CYP2C19: variants seen among roughly 807,000 people sequenced by gnomAD.
The protein encoded by CYP2C19 is cytochrome P450 2C19.
In CYP2C19, 59 loss-of-function variants were observed where a neutral mutation model predicts 40.9. That is an observed-to-expected ratio of 1.44 (90% CI 1.17 to 1.79). The LOEUF (loss-of-function observed/expected upper bound fraction) is 1.79, where lower values mean the gene tolerates loss of function less well. CYP2C19 is among the 40% of genes most tolerant of loss of function. The pLI, the probability that CYP2C19 is intolerant of heterozygous loss-of-function variation, is 0.00. For missense variants in CYP2C19, 754 were observed against 596.9 expected, an observed-to-expected ratio of 1.26 and a Z score of -2.74; for synonymous variants, 253 against 208.7, an observed-to-expected ratio of 1.21 and a Z score of -1.83.
At chr10:94,818,580 T>C (rs1187242061) in intron 5 of CYP2C19, among the ~76,000 whole-genome samples, 1 of 141,740 alleles carries the variant, frequency 7.1e-6, no homozygotes, top group African/African-American at 2.7e-5. Flanking sequence ...CAGTGGTTTG[T>C]AGTTCTCCTT....
intron 7 of CYP2C19, among the ~76,000 whole-genome samples, chr10:94,849,198 G>C (rs1002238653): frequency 6.6e-6 from 1 of 152,140 alleles, no homozygotes; most frequent in Non-Finnish European, 1.5e-5. Context: ...AAACTGAAGT[G>C]ATGAAATAGA....
chr10:94,834,567 T>C (rs1360640679), intron 6 of CYP2C19, among the ~76,000 whole-genome samples: 1 of 151,784 alleles, frequency 6.6e-6, no homozygotes, highest in Non-Finnish European at 1.5e-5. Context: ...TTTTTTTTTT[T>C]TGTGCAGTTG....
intron 3 of CYP2C19, among the ~76,000 whole-genome samples, chr10:94,777,502 T>C (rs555862123): frequency 6.6e-6 from 1 of 152,096 alleles, no homozygotes; most frequent in South Asian, 2.1e-4. Flanking sequence ...ATGCCACACA[T>C]CTACAACCAT....
At chr10:94,847,505 C>A (rs1301063516) in intron 7 of CYP2C19, among the ~76,000 whole-genome samples, 1 of 152,050 alleles carries the variant, frequency 6.6e-6, no homozygotes, top group Non-Finnish European at 1.5e-5. Context: ...GATTCCAAGT[C>A]GTTGCTATTG....
intron 6 of CYP2C19, among the ~76,000 whole-genome samples, chr10:94,834,611 C>A (rs1849374507): frequency 1.3e-5 from 2 of 150,594 alleles, no homozygotes; most frequent in Admixed American, 1.3e-4. Flanking sequence ...AGCTCCCATA[C>A]AAAGGGAGGG....
intron 6 of CYP2C19, among the ~76,000 whole-genome samples, chr10:94,840,717 C>T (rs1415066414): frequency 3.3e-5 from 5 of 152,276 alleles, no homozygotes; most frequent in African/African-American, 7.2e-5. Context: ...GCCAGGAGTT[C>T]GGGACAACAG....
chr10:94,779,571 T>TTTTCTTTTC (rs1564662667), intron 3 of CYP2C19, among the ~76,000 whole-genome samples: 5 of 2,776 alleles, frequency 1.8e-3, no homozygotes, highest in South Asian at 0.011. Context: ...CTTTTCTTTT[T>TTTTCTTTTC]TTTTTTTTGA....
intron 5 of CYP2C19, among the ~76,000 whole-genome samples, chr10:94,792,624 G>T (rs183666523): frequency 6.6e-6 from 1 of 152,092 alleles, no homozygotes; most frequent in Non-Finnish European, 1.5e-5. Context: ...GCTTAATTTG[G>T]CTGGATATGA....
chr10:94,795,848 GT>G (rs200069419), intron 5 of CYP2C19, among the ~76,000 whole-genome samples: 11,066 of 151,400 alleles, frequency 0.073, 469 homozygotes, highest in South Asian at 0.12. Context: ...CTTTGATGGG[GT>G]TTTTTTTCTT....
intron 5 of CYP2C19, among the ~76,000 whole-genome samples, chr10:94,805,507 A>G (rs1399593863): frequency 1.3e-5 from 2 of 152,244 alleles, no homozygotes; most frequent in Admixed American, 6.5e-5. Flanking sequence ...CATTGATTAC[A>G]TTCACATTGT....
chr10:94,847,646 T>C (rs528406537), intron 7 of CYP2C19, among the ~76,000 whole-genome samples: 1 of 152,280 alleles, frequency 6.6e-6, no homozygotes, highest in African/African-American at 2.4e-5. Context: ...CCCTGAGGAA[T>C]CACCACACTG....
chr10:94,837,333 G>A (rs1849420348), intron 6 of CYP2C19, among the ~76,000 whole-genome samples: 1 of 152,174 alleles, frequency 6.6e-6, no homozygotes, highest in Admixed American at 6.5e-5. Flanking sequence ...GCCTTTGGTA[G>A]GGAAAGGAGG....
chr10:94,780,186 C>T (rs1848462103), intron 3 of CYP2C19, among the ~76,000 whole-genome samples: 1 of 152,114 alleles, frequency 6.6e-6, no homozygotes, highest in Non-Finnish European at 1.5e-5. Context: ...ATGTGATTCC[C>T]TCTGAAACTT....
At chr10:94,799,311 A>C (rs1848732357) in intron 5 of CYP2C19, among the ~76,000 whole-genome samples, 1 of 152,094 alleles carries the variant, frequency 6.6e-6, no homozygotes, top group Admixed American at 6.5e-5. Context: ...TCTTTTCTTT[A>C]AGAATGTCAA....
rs188999844 is a variant in CYP2C19 at position 94,765,803 on chromosome 10, A to G, written c.168+2930A>G. Among the ~76,000 whole-genome samples the G allele has an allele frequency of 1.6e-3, 236 of 152,190 alleles. 1 individual carries two copies. Among genetic ancestry groups the G allele is most frequent in the Non-Finnish European group, 2.7e-3 (186 of 68,004 alleles). Reference sequence around the variant, plus strand: ...GGATAGAGCTGTTTGAGTGACTCAGAAGTTACTATGATCAGTTGGGGCTTG... The same window carrying G: ...GGATAGAGCTGTTTGAGTGACTCAGGAGTTACTATGATCAGTTGGGGCTTG... On this transcript the variant is annotated intron_variant, in intron 1 of 8. Coordinates refer to ENST00000371321, the MANE Select transcript of CYP2C19 (RefSeq NM_000769.4).
At chr10:94,828,870 A>G (rs1849277574) in intron 6 of CYP2C19, among the ~76,000 whole-genome samples, 1 of 151,660 alleles carries the variant, frequency 6.6e-6, no homozygotes, top group Non-Finnish European at 1.5e-5. Flanking sequence ...TGGTGACAAA[A>G]TCTCTCAGCA....
intron 3 of CYP2C19, 186 bp downstream of exon 3, chr10:94,775,725 A>T: frequency 1.1e-6 from 1 of 876,392 alleles, no homozygotes. Flanking sequence ...GTGTACAGGC[A>T]TGATTGTGCA....
Position 94,789,027 on chromosome 10 carries a change from T to C in CYP2C19, c.819+7030T>C, listed in dbSNP as rs571251113. On this transcript the variant is annotated intron_variant, in intron 5 of 8. Coordinates refer to ENST00000371321, the MANE Select transcript of CYP2C19 (RefSeq NM_000769.4). The stretch of plus-strand genomic sequence containing the variant: ...ACATCTGTTGTTTCCTGACTTTTAA[T>C]GTTCGCCATTCTAACTGGCATGTGA... 9.2e-5 allele frequency among the ~76,000 whole-genome samples: 14 copies of C among 152,292 alleles called. No individual in the cohort carries two copies. The East Asian group carries it at 2.5e-3, about 27-fold the overall frequency.
intron 5 of CYP2C19, among the ~76,000 whole-genome samples, chr10:94,795,301 G>T (rs1848667753): frequency 1.3e-5 from 2 of 151,762 alleles, no homozygotes; most frequent in African/African-American, 2.4e-5. Flanking sequence ...ATGGTTTCCA[G>T]CTTCATCCAT....
Sources: allele counts gnomAD v4.1 joint callset (sites outside exome capture counted in the v4.1 genomes callset), GRCh38; gene constraint gnomAD v4.1.1; transcripts MANE v1.5; gene names NCBI Gene and HGNC (gene_info 2026-07-23, HGNC 2026-07-21).